The following CMIP variants were observed in gnomAD, a reference collection of about 807,000 sequenced individuals.
CMIP encodes the protein C-Maf-inducing protein.
CMIP carries 13 observed loss-of-function variants against 97.3 expected under a neutral mutation model. That is an observed-to-expected ratio of 0.13 (90% CI 0.09 to 0.21). CMIP has a LOEUF of 0.21. CMIP is among the 10% of genes least tolerant of loss of function. CMIP has a pLI of 1.00. For synonymous variants in CMIP, 538 were observed against 436.3 expected (o/e 1.23, Z -2.91); for missense variants, 847 against 1,024.9 (o/e 0.83, Z 2.37).
At chr16:81,492,140 C>T (rs962560354) in intron 1 of CMIP, among the ~76,000 whole-genome samples, 4 of 152,174 alleles carry the variant, frequency 2.6e-5, no homozygotes, top group African/African-American at 7.2e-5. Flanking sequence ...GATTAGTCGG[C>T]CACAGGGGTA....
At chr16:81,472,520 T>C (rs929875917) in intron 1 of CMIP, among the ~76,000 whole-genome samples, 9 of 152,170 alleles carry the variant, frequency 5.9e-5, no homozygotes, top group African/African-American at 2.2e-4. Context: ...CTTGACACCG[T>C]TGAGTGTCAG....
chr16:81,581,921 G>C (rs1002709480), intron 1 of CMIP, among the ~76,000 whole-genome samples: 2 of 152,222 alleles, frequency 1.3e-5, no homozygotes, highest in African/African-American at 4.8e-5. Context: ...GTAATTTTAA[G>C]AAAGGAGGTT....
intron 1 of CMIP, among the ~76,000 whole-genome samples, chr16:81,507,873 TGGG>T (rs1288388396): frequency 6.6e-6 from 1 of 152,222 alleles, no homozygotes; most frequent in Non-Finnish European, 1.5e-5. Flanking sequence ...TCAGTAGTAC[TGGG>T]GTGTGAGTCC....
Position 81,679,882 on chromosome 16 carries a change from T to A in CMIP, c.1388+1254T>A, listed in dbSNP as rs116469815. Among the ~76,000 whole-genome samples the A allele has an allele frequency of 6.3e-3, 966 of 152,296 alleles. 23 individuals are homozygous for A. Among genetic ancestry groups the A allele is most frequent in the African/African-American group, 0.022 (929 of 41,554 alleles). The stretch of plus-strand genomic sequence containing the variant: ...AGGGATCTCATTGACTGTTCCCTTC[T>A]GCCCCCCACAGAGCCATGTGGTTCC... On this transcript the variant is annotated intron_variant, in intron 10 of 20. Transcript: ENST00000537098.
chr16:81,626,784 AGAGAGTGT>A (rs1254488954), intron 3 of CMIP, among the ~76,000 whole-genome samples: 32 of 57,966 alleles, frequency 5.5e-4, no homozygotes, highest in African/African-American at 2.2e-3. Context: ...ACAGAGAGAG[AGAGAGTGT>A]GTGTGTGTGT....
chr16:81,701,203 G>A (rs1039418840), intron 15 of CMIP, among the ~76,000 whole-genome samples: 7 of 152,144 alleles, frequency 4.6e-5, no homozygotes, highest in African/African-American at 1.2e-4. Flanking sequence ...AGAGCCACAT[G>A]TGCAGTCATG....
In CMIP at chr16:81,710,012, C is replaced by A. The variant is rs1567680426; in HGVS notation, c.*213C>A. The A allele has an allele frequency of 7.2e-6, 3 of 416,574 alleles. No homozygotes were observed. The highest frequency in any genetic ancestry group is 1.3e-5 in the Non-Finnish European group (3 of 225,508). The allele number at this position is 416,574 out of a possible 1,614,324, so 25.8% of individuals were successfully genotyped here. The stretch of plus-strand genomic sequence containing the variant: ...AATTCTTTTAGCTTCGTAATTGGAA[C>A]CTTTGACCTGATCTAAAGTGGACTT... On this transcript the variant is annotated 3_prime_UTR_variant, in exon 21 of 21. Coordinates refer to ENST00000537098, the MANE Select transcript of CMIP (RefSeq NM_198390.3).
intron 1 of CMIP, among the ~76,000 whole-genome samples, chr16:81,586,505 T>C (rs1338671260): frequency 6.6e-6 from 1 of 152,182 alleles, no homozygotes; most frequent in Non-Finnish European, 1.5e-5. Flanking sequence ...CTAGGAGAAT[T>C]AAATCCCAGT....
At chr16:81,457,415 T>A (rs1906619556) in intron 1 of CMIP, among the ~76,000 whole-genome samples, 1 of 152,146 alleles carries the variant, frequency 6.6e-6, no homozygotes, top group Non-Finnish European at 1.5e-5. Flanking sequence ...CACCTGGAAA[T>A]CACCCGTATT....
chr16:81,614,080 G>T lies in CMIP; in HGVS notation c.426+6388G>T, dbSNP rs1241436901. Among the ~76,000 whole-genome samples the T allele has an allele frequency of 6.6e-6, 1 of 152,218 alleles. No homozygotes were observed. On this transcript the variant is annotated intron_variant, in intron 2 of 20. Coordinates refer to ENST00000537098, the MANE Select transcript of CMIP (RefSeq NM_198390.3). This position sits in a 1 kb window ranked among gnomAD's most constrained non-coding sequence, Gnocchi z 5.3. ...CTGGCCTGGTTTGGTTGGGGATGGGGAGGGGAAGGCACCATCAAGACAGTC... is the reference window on the plus strand; with the variant it reads ...CTGGCCTGGTTTGGTTGGGGATGGGTAGGGGAAGGCACCATCAAGACAGTC...
intron 1 of CMIP, among the ~76,000 whole-genome samples, chr16:81,586,141 A>G (rs910180456): frequency 2.0e-5 from 3 of 151,552 alleles, no homozygotes; most frequent in Non-Finnish European, 4.4e-5. Context: ...GTGGGTCTAA[A>G]CAGCTACTTG....
At chr16:81,500,041 GTC>G (rs1484456462) in intron 1 of CMIP, among the ~76,000 whole-genome samples, 1 of 152,122 alleles carries the variant, frequency 6.6e-6, no homozygotes, top group African/African-American at 2.4e-5. Flanking sequence ...AACATACCCA[GTC>G]TCCCTGGGGC....
At chr16:81,495,325 T>C in intron 1 of CMIP, 1 of 1,461,282 alleles carries the variant, frequency 6.8e-7, no homozygotes, top group Non-Finnish European at 9.1e-7. Context: ...GGTTCAGTGA[T>C]AAGCAGGAGC....
chr16:81,695,273 T>C (rs895078949), intron 13 of CMIP, among the ~76,000 whole-genome samples: 7 of 152,220 alleles, frequency 4.6e-5, no homozygotes, highest in African/African-American at 1.7e-4. Context: ...CCTTCTACCT[T>C]CTCCTTCCTA....
At chr16:81,679,915 A>G (rs1250356045) in intron 10 of CMIP, among the ~76,000 whole-genome samples, 2 of 152,162 alleles carry the variant, frequency 1.3e-5, no homozygotes, top group African/African-American at 2.4e-5. Context: ...TCCACAGACC[A>G]GCTCAGGTCT....
chr16:81,701,190 C>T (rs1000732199), intron 15 of CMIP, among the ~76,000 whole-genome samples: 1 of 152,020 alleles, frequency 6.6e-6, no homozygotes, highest in African/African-American at 2.4e-5. Context: ...ACCCCCAGGC[C>T]GAAGAGCCAC....
At chr16:81,516,769 G>A (rs979440608) in intron 1 of CMIP, among the ~76,000 whole-genome samples, 2 of 152,240 alleles carry the variant, frequency 1.3e-5, no homozygotes, top group African/African-American at 4.8e-5. Flanking sequence ...AGATATCGAA[G>A]CATCTAGGCA....
At chr16:81,622,246 A>C (rs1177928137) in intron 3 of CMIP, 1 of 152,060 alleles carries the variant, frequency 6.6e-6, no homozygotes, top group Non-Finnish European at 1.5e-5. Flanking sequence ...CAGTACCTGT[A>C]TGTACTGGAA....
rs191154198 is a variant in CMIP at position 81,613,568 on chromosome 16, A to G, written c.426+5876A>G. On this transcript the variant is annotated intron_variant, in intron 2 of 20. Coordinates refer to ENST00000537098, the MANE Select transcript of CMIP (RefSeq NM_198390.3). ...CACTCTAATACTTGTCTCCTTGCAT[A>G]TTGTGAGGCTCGTAGATATTACATG... is the stretch of plus-strand genomic sequence containing the variant. Among the ~76,000 whole-genome samples, 95 of 152,280 alleles carry G rather than the reference A, an allele frequency of 6.2e-4. 1 individual carries two copies. Among genetic ancestry groups the G allele is most frequent in the African/African-American group, 2.1e-3 (89 of 41,538 alleles).
Sources: gnomAD v4.1 joint callset for allele counts (sites outside exome capture counted in the v4.1 genomes callset) on GRCh38, gnomAD v4.1.1 for gene constraint, Gnocchi (gnomAD v3.1) non-coding constraint, MANE v1.5 for transcripts, NCBI Gene and HGNC (gene_info 2026-07-23, HGNC 2026-07-21) for gene names.